The following SYNDIG1 variants were observed in gnomAD, a reference collection of about 807,000 sequenced individuals.
The protein encoded by SYNDIG1 is synapse differentiation inducing 1, also known as synapse differentiation-inducing gene protein 1.
SYNDIG1 carries 9 observed loss-of-function variants against 19.4 expected under a neutral mutation model. The observed-to-expected ratio is 0.46, with a 90% confidence interval of 0.28 to 0.81. The LOEUF (loss-of-function observed/expected upper bound fraction) is 0.81, where lower values mean the gene tolerates loss of function less well. SYNDIG1 is among the 30% of genes least tolerant of loss of function. The pLI is 0.12. For synonymous variants in SYNDIG1, 141 were observed against 145.9 expected (o/e 0.97, Z 0.24); for missense variants, 311 against 343.3 (o/e 0.91, Z 0.74).
intron 1 of SYNDIG1, among the ~76,000 whole-genome samples, chr20:24,530,008 T>TGGTG (rs1220030402): frequency 0.013 from 464 of 36,984 alleles, no homozygotes; most frequent in South Asian, 0.019. Flanking sequence ...GTGGTGGGGA[T>TGGTG]AATGATGGTG....
intron 3 of SYNDIG1, among the ~76,000 whole-genome samples, chr20:24,651,763 G>A (rs2059476536): frequency 6.6e-6 from 1 of 152,222 alleles, no homozygotes; most frequent in Admixed American, 6.5e-5. Flanking sequence ...GTAGGACACA[G>A]CAGAAGTGAT....
intron 3 of SYNDIG1, among the ~76,000 whole-genome samples, chr20:24,605,969 C>T (rs2058751768): frequency 6.6e-6 from 1 of 152,236 alleles, no homozygotes. Flanking sequence ...ATTTAGCATG[C>T]CTCCGACAGT....
chr20:24,574,336 A>AG (rs2058193270), intron 2 of SYNDIG1, among the ~76,000 whole-genome samples: 1 of 151,884 alleles, frequency 6.6e-6, no homozygotes, highest in Admixed American at 6.6e-5. Flanking sequence ...AAAAAAAAAA[A>AG]AAATTAGCCA....
intron 2 of SYNDIG1, among the ~76,000 whole-genome samples, chr20:24,554,992 G>A (rs1462067904): frequency 2.0e-5 from 3 of 152,154 alleles, no homozygotes; most frequent in Admixed American, 1.3e-4. Flanking sequence ...TCCTGTTATT[G>A]GTCTATTCAG....
chr20:24,562,120 G>A (rs961343536), intron 2 of SYNDIG1, among the ~76,000 whole-genome samples: 1 of 151,906 alleles, frequency 6.6e-6, no homozygotes, highest in Non-Finnish European at 1.5e-5. Flanking sequence ...CCTTATAGTT[G>A]CATCTCATTT....
chr20:24,540,391 C>A (rs1212430778), intron 1 of SYNDIG1, among the ~76,000 whole-genome samples: 3 of 152,164 alleles, frequency 2.0e-5, no homozygotes, highest in East Asian at 3.9e-4. Flanking sequence ...TGCCTAATTT[C>A]TCTGGCTACA....
chr20:24,597,411 G>A (rs558665904), intron 3 of SYNDIG1, among the ~76,000 whole-genome samples: 1 of 152,226 alleles, frequency 6.6e-6, no homozygotes, highest in African/African-American at 2.4e-5. Flanking sequence ...AGACATTAAA[G>A]ACCACAGCAT....
chr20:24,518,538 TGG>T lies in SYNDIG1; in HGVS notation c.-78-24478_-78-24477del, dbSNP rs559420447. On this transcript the variant is annotated intron_variant, in intron 1 of 3. Transcript: ENST00000376862. ...GCAGGGCTAAATTGCACTTTTTGTC[TGG>T]GGGTTCAGCTAATCTTTCAGAAAAG... is the stretch of plus-strand genomic sequence containing the variant. 1.9e-3 allele frequency among the ~76,000 whole-genome samples: 283 copies of T among 152,296 alleles called. 2 individuals are homozygous for T. The highest frequency in any genetic ancestry group is 6.4e-3 in the African/African-American group (268 of 41,560).
At position 24,543,475 on chromosome 20, in the gene SYNDIG1, C is replaced by A. The variant is rs145606663; in HGVS notation, c.378C>A (p.Leu126=). ...IEDRSPTKDS[L]EYPDGKFIDL... ...ACCGGTCGCCCACCAAAGACAGCCT[C>A]GAGTACCCGGATGGGAAGTTCATTG... The change falls in exon 2 of 4, where the codon CTC becomes CTA. Residue 126 remains leucine, a synonymous_variant. Transcript: ENST00000376862. 3 of 1,613,320 alleles carry A rather than the reference C, an allele frequency of 1.9e-6. No homozygotes were observed. Among genetic ancestry groups the A allele is most frequent in the Admixed American group, 1.7e-5 (1 of 60,028 alleles).
chr20:24,524,419 G>A (rs1459162924), intron 1 of SYNDIG1, among the ~76,000 whole-genome samples: 1 of 152,206 alleles, frequency 6.6e-6, no homozygotes, highest in Non-Finnish European at 1.5e-5. Flanking sequence ...GCCGAGGCGG[G>A]TGGATCACGA....
At position 24,655,731 on chromosome 20, in the gene SYNDIG1, A is replaced by G. The variant is rs1377107869; in HGVS notation, c.619-9615A>G. On this transcript the variant is annotated intron_variant, in intron 3 of 3. Coordinates refer to ENST00000376862, the MANE Select transcript of SYNDIG1 (RefSeq NM_024893.3). ...TATACATACACTTATCAGCAATTCT[A>G]CTCCTAGCTATATGACCTAGCAGAA... Among the ~76,000 whole-genome samples the G allele has an allele frequency of 2.0e-5, 3 of 150,364 alleles. No individual in the cohort carries two copies. The East Asian group carries it at 5.9e-4, about 29-fold the overall frequency.
At chr20:24,644,647 G>A (rs2147347899) in intron 3 of SYNDIG1, among the ~76,000 whole-genome samples, 1 of 152,362 alleles carries the variant, frequency 6.6e-6, no homozygotes. Flanking sequence ...AAGGCCACTT[G>A]TAGGTGTTCT....
chr20:24,584,670 T>C (rs1173197411), intron 2 of SYNDIG1, among the ~76,000 whole-genome samples, 186 bp from the exon 3 acceptor site: 1 of 152,228 alleles, frequency 6.6e-6, no homozygotes, highest in African/African-American at 2.4e-5. Context: ...TTCCTTGGCC[T>C]GGCTGCCCTT....
chr20:24,640,720 G>A (rs895225313), intron 3 of SYNDIG1, among the ~76,000 whole-genome samples: 2 of 152,158 alleles, frequency 1.3e-5, no homozygotes, highest in African/African-American at 4.8e-5. Context: ...AAAACTTGTG[G>A]AAGCTCACTG....
chr20:24,516,171 C>G (rs909799831), intron 1 of SYNDIG1, among the ~76,000 whole-genome samples: 1 of 152,148 alleles, frequency 6.6e-6, no homozygotes, highest in South Asian at 2.1e-4. Context: ...TTCCTTACAC[C>G]TTATACAAAA....
chr20:24,508,795 C>A (rs1420521822), intron 1 of SYNDIG1, among the ~76,000 whole-genome samples: 8 of 152,122 alleles, frequency 5.3e-5, no homozygotes. Context: ...AGCTCCCACT[C>A]CACTACCCTG....
At chr20:24,484,931 A>G (rs1378906246) in intron 1 of SYNDIG1, among the ~76,000 whole-genome samples, 1 of 152,176 alleles carries the variant, frequency 6.6e-6, no homozygotes, top group African/African-American at 2.4e-5. Flanking sequence ...ATCCCCATGA[A>G]TGGCTTGGTG....
chr20:24,473,909 G>T (rs1281616812), intron 1 of SYNDIG1, among the ~76,000 whole-genome samples: 1 of 152,214 alleles, frequency 6.6e-6, no homozygotes, highest in Non-Finnish European at 1.5e-5. Flanking sequence ...GAAAAGTGAC[G>T]TGGTTTGTCT....
chr20:24,471,194 C>T (rs943903455), intron 1 of SYNDIG1, among the ~76,000 whole-genome samples: 1 of 152,024 alleles, frequency 6.6e-6, no homozygotes, highest in African/African-American at 2.4e-5. Flanking sequence ...TGCTAGGCTG[C>T]GACCTCAAGG....
Sources: allele counts gnomAD v4.1 joint callset (sites outside exome capture counted in the v4.1 genomes callset), GRCh38; gene constraint gnomAD v4.1.1; transcripts MANE v1.5; gene names NCBI Gene and HGNC (gene_info 2026-07-23, HGNC 2026-07-21).